ESRRG: variants seen among roughly 807,000 people sequenced by gnomAD.
ESRRG encodes estrogen-related receptor gamma.
ESRRG carries 13 observed loss-of-function variants against 44.0 expected under a neutral mutation model. The ratio of observed to expected loss-of-function variants is 0.30; its 90% CI spans 0.19 to 0.47. The LOEUF is 0.47. ESRRG is among the 20% of genes least tolerant of loss of function. The pLI is 1.00. For missense variants in ESRRG, 395 were observed against 580.6 expected (o/e 0.68, Z 3.29); for synonymous variants, 215 against 214.6 (o/e 1.00, Z -0.02).
At chr1:216,939,606 G>A (rs532786283) in exon 2 of ESRRG, 21 of 151,488 alleles carry the variant, frequency 1.4e-4, no homozygotes, top group Admixed American at 6.6e-4. Context: ...CAGTGTTAGC[G>A]TAGGATTTTT....
intron 3 of ESRRG, among the ~76,000 whole-genome samples, chr1:216,587,651 G>A (rs1187476800): frequency 6.6e-6 from 1 of 152,120 alleles, no homozygotes; most frequent in Non-Finnish European, 1.5e-5. Flanking sequence ...AAGCATTTAT[G>A]CTCAGAATTT....
intron 2 of ESRRG, among the ~76,000 whole-genome samples, chr1:216,674,615 CTTTTTTT>C (rs5780904): frequency 1.6e-5 from 2 of 127,936 alleles, no homozygotes; most frequent in African/African-American, 6.0e-5. Context: ...TTTGGGTAAA[CTTTTTTT>C]TTTTTTTTTT....
chr1:216,997,836 A>C (rs1259792338), intron 1 of ESRRG, among the ~76,000 whole-genome samples: 1 of 152,234 alleles, frequency 6.6e-6, no homozygotes, highest in Non-Finnish European at 1.5e-5. Flanking sequence ...CAAGGAACCC[A>C]AATTATTACA....
intron 1 of ESRRG, among the ~76,000 whole-genome samples, chr1:216,972,255 A>G (rs1396637704): frequency 2.0e-5 from 3 of 152,172 alleles, no homozygotes; most frequent in East Asian, 1.9e-4. Context: ...TCAGCAATCT[A>G]TCAGGAGTTA....
chr1:217,093,643 G>T (rs188619833), upstream of ESRRG, among the ~76,000 whole-genome samples: 1 of 151,880 alleles, frequency 6.6e-6, no homozygotes, highest in African/African-American at 2.4e-5. Flanking sequence ...AATCAGCAGG[G>T]CATGGTGGCA....
chr1:216,774,795 C>CTTTTTTTT (rs1178221974), intron 2 of ESRRG, among the ~76,000 whole-genome samples: 4 of 40,176 alleles, frequency 1.0e-4, no homozygotes, highest in African/African-American at 4.2e-4. Flanking sequence ...TGAATAATTT[C>CTTTTTTTT]TTCTTTTTTT....
intron 1 of ESRRG, among the ~76,000 whole-genome samples, chr1:217,051,182 C>T (rs1416930708): frequency 1.2e-5 from 1 of 82,644 alleles, no homozygotes; most frequent in Non-Finnish European, 2.4e-5. Context: ...GAGATAAGAG[C>T]AGAAGGAGTG....
At chr1:216,887,488 G>A (rs78584668) in intron 2 of ESRRG, among the ~76,000 whole-genome samples, 6,019 of 152,210 alleles carry the variant, frequency 0.04, 262 homozygotes, top group African/African-American at 0.11. Flanking sequence ...TAAACATGCT[G>A]TCGCTTTTAT....
chr1:216,744,858 G>A (rs949467733), intron 2 of ESRRG, among the ~76,000 whole-genome samples: 1 of 152,160 alleles, frequency 6.6e-6, no homozygotes, highest in Non-Finnish European at 1.5e-5. Context: ...GGTGAGGGCA[G>A]GCATATACAT....
At chr1:217,012,782 T>C (rs1373292514) in intron 1 of ESRRG, among the ~76,000 whole-genome samples, 2 of 152,216 alleles carry the variant, frequency 1.3e-5, no homozygotes, top group African/African-American at 4.8e-5. Context: ...TCTTTGAATA[T>C]TACTGTATTA....
chr1:217,123,877 C>T (rs1179094707), intron 1 of ESRRG, among the ~76,000 whole-genome samples: 1 of 152,066 alleles, frequency 6.6e-6, no homozygotes, highest in Admixed American at 6.6e-5. Flanking sequence ...ACGTAACAAA[C>T]CTGCACATCT....
intron 3 of ESRRG, among the ~76,000 whole-genome samples, chr1:216,619,836 A>C (rs1246187086): frequency 6.6e-6 from 1 of 152,226 alleles, no homozygotes; most frequent in African/African-American, 2.4e-5. Context: ...CAGGAGAGTC[A>C]AGCTGAACTA....
intron 2 of ESRRG, among the ~76,000 whole-genome samples, chr1:216,891,237 A>AT (rs903905110): frequency 8.5e-5 from 13 of 152,184 alleles, no homozygotes; most frequent in Admixed American, 2.0e-4. Flanking sequence ...TCTTTATTAG[A>AT]TTTTTTTTAC....
intron 1 of ESRRG, among the ~76,000 whole-genome samples, chr1:216,686,942 C>CCGAGGAG (rs2078091854): frequency 6.6e-6 from 1 of 152,234 alleles, no homozygotes; most frequent in East Asian, 1.9e-4. Context: ...GACTATTGCA[C>CCGAGGAG]CGAGGAGCAC....
chr1:216,742,577 C>A (rs542810075), intron 2 of ESRRG, among the ~76,000 whole-genome samples: 4 of 151,724 alleles, frequency 2.6e-5, no homozygotes, highest in Non-Finnish European at 5.9e-5. Flanking sequence ...TAACTCCATC[C>A]GACCCTTTCA....
intron 1 of ESRRG, among the ~76,000 whole-genome samples, chr1:217,118,730 G>A (rs779905800): frequency 9.9e-5 from 15 of 152,094 alleles, no homozygotes; most frequent in Non-Finnish European, 1.3e-4. Flanking sequence ...GGTAGCTCTC[G>A]CCTGTAATCT....
chr1:216,790,330 T>C (rs1376072164), intron 2 of ESRRG, among the ~76,000 whole-genome samples: 2 of 152,202 alleles, frequency 1.3e-5, no homozygotes, highest in African/African-American at 4.8e-5. Context: ...GTCACTCACT[T>C]CTTTTGAGCC....
intron 1 of ESRRG, among the ~76,000 whole-genome samples, chr1:216,985,328 C>G (rs1259509031): frequency 6.6e-6 from 1 of 152,186 alleles, no homozygotes; most frequent in African/African-American, 2.4e-5. Context: ...CACCTCCACG[C>G]ACTGGAAGAG....
At chr1:216,573,937 A>C (rs2061267121) in intron 3 of ESRRG, among the ~76,000 whole-genome samples, 1 of 152,086 alleles carries the variant, frequency 6.6e-6, no homozygotes, top group African/African-American at 2.4e-5. Context: ...CAGATTTGTC[A>C]TAAGCAAACA....
Sources: allele counts gnomAD v4.1 joint callset (sites outside exome capture counted in the v4.1 genomes callset), GRCh38; gene constraint gnomAD v4.1.1; transcripts MANE v1.5; gene names NCBI Gene and HGNC (gene_info 2026-07-23, HGNC 2026-07-21).